FOXP2: variants seen among roughly 807,000 people sequenced by gnomAD.
FOXP2 encodes forkhead box P2.
A neutral mutation model predicts 115.8 loss-of-function variants in FOXP2; 12 were observed. The observed-to-expected ratio is 0.10, with a 90% confidence interval of 0.07 to 0.17. FOXP2 has a LOEUF of 0.17. Ranked by LOEUF, FOXP2 falls within the 10% of genes least tolerant of loss-of-function variation. The pLI is 1.00. For missense variants in FOXP2, 629 were observed against 843.5 expected (o/e 0.75, Z 3.15); for synonymous variants, 328 against 297.7 (o/e 1.10, Z -1.05).
chr7:114,628,173 A>G (rs1333916590), intron 3 of FOXP2, among the ~76,000 whole-genome samples: 1 of 152,110 alleles, frequency 6.6e-6, no homozygotes, highest in Non-Finnish European at 1.5e-5. Flanking sequence ...AGACATTTCA[A>G]AAACCTTTGT....
intron 1 of FOXP2, among the ~76,000 whole-genome samples, chr7:114,105,889 A>G (rs1052503751): frequency 3.3e-5 from 5 of 152,112 alleles, no homozygotes; most frequent in Admixed American, 6.6e-5. Flanking sequence ...TTCCTGGTCT[A>G]GTGCTCTTTC....
intron 1 of FOXP2, among the ~76,000 whole-genome samples, chr7:114,170,668 C>G (rs1793113696): frequency 6.6e-6 from 1 of 152,196 alleles, no homozygotes; most frequent in South Asian, 2.1e-4. Context: ...TCAAGCCAGC[C>G]ACAACATTCC....
At chr7:114,337,525 A>G (rs1797883159) in intron 2 of FOXP2, among the ~76,000 whole-genome samples, 1 of 151,232 alleles carries the variant, frequency 6.6e-6, no homozygotes, top group Non-Finnish European at 1.5e-5. Flanking sequence ...AATTTAAAAC[A>G]AAGAGGAGAG....
intron 2 of FOXP2, among the ~76,000 whole-genome samples, chr7:114,458,244 T>C (rs1440367147): frequency 1.3e-5 from 2 of 152,184 alleles, no homozygotes; most frequent in African/African-American, 2.4e-5. Context: ...TAAATAGGTA[T>C]AGTTATATGT....
chr7:114,193,594 G>A lies in FOXP2; in HGVS notation c.-102+30506G>A, dbSNP rs190628896. Among the ~76,000 whole-genome samples, 47 of 152,008 alleles carry A rather than the reference G, an allele frequency of 3.1e-4. No individual in the cohort carries two copies. The East Asian group carries it at 5.4e-3, about 17-fold the overall frequency. On this transcript the variant is annotated intron_variant, in intron 1 of 17. Transcript: ENST00000634411. ...CCTATTCATACCTAAAAGAATGTCC[G>A]GTGGGAAATTTTAGGACATCTTACA...
chr7:114,409,563 G>A (rs757202738), upstream of FOXP2, among the ~76,000 whole-genome samples: 10 of 151,906 alleles, frequency 6.6e-5, no homozygotes, highest in Non-Finnish European at 1.3e-4. Flanking sequence ...TTCTTCATAT[G>A]AATATTAACT....
intron 1 of FOXP2, among the ~76,000 whole-genome samples, chr7:114,187,104 T>C (rs1259594249): frequency 6.6e-6 from 1 of 152,212 alleles, no homozygotes; most frequent in Non-Finnish European, 1.5e-5. Context: ...TCCATACTCA[T>C]CTCCTTATCA....
At chr7:114,211,424 A>G (rs928850124) in intron 1 of FOXP2, among the ~76,000 whole-genome samples, 1 of 152,086 alleles carries the variant, frequency 6.6e-6, no homozygotes, top group South Asian at 2.1e-4. Flanking sequence ...TCACACAGTC[A>G]CCACTTTCCT....
intron 6 of FOXP2, among the ~76,000 whole-genome samples, chr7:114,642,052 C>T (rs949103043): frequency 6.6e-6 from 1 of 152,052 alleles, no homozygotes; most frequent in Admixed American, 6.6e-5. Flanking sequence ...GTGATTCACC[C>T]ACCTCAGCCT....
chr7:114,320,761 G>A (rs1797400872), intron 2 of FOXP2, among the ~76,000 whole-genome samples: 1 of 152,034 alleles, frequency 6.6e-6, no homozygotes, highest in African/African-American at 2.4e-5. Flanking sequence ...AAAATATACG[G>A]CCCCTCCCTG....
chr7:114,188,942 C>T (rs1793686231), intron 1 of FOXP2, among the ~76,000 whole-genome samples: 2 of 152,090 alleles, frequency 1.3e-5, no homozygotes, highest in Admixed American at 1.3e-4. Flanking sequence ...GAGAGAACAA[C>T]CATAACATTT....
chr7:114,294,200 A>C (rs1444141831), intron 2 of FOXP2, among the ~76,000 whole-genome samples: 1 of 152,200 alleles, frequency 6.6e-6, no homozygotes, highest in African/African-American at 2.4e-5. Flanking sequence ...CCCATTGATC[A>C]TATCAATGTT....
intron 1 of FOXP2, among the ~76,000 whole-genome samples, chr7:114,259,703 T>A (rs1795700383): frequency 6.6e-6 from 1 of 152,056 alleles, no homozygotes; most frequent in South Asian, 2.1e-4. Context: ...AAAAGATAAA[T>A]CTTAATATAC....
At chr7:114,321,756 A>G (rs1797427616) in intron 2 of FOXP2, among the ~76,000 whole-genome samples, 1 of 152,178 alleles carries the variant, frequency 6.6e-6, no homozygotes, top group Admixed American at 6.5e-5. Context: ...AACAGAATCA[A>G]ATTTATTGAG....
At chr7:114,666,423 C>A (rs1807166404) in intron 16 of FOXP2, 1 of 151,886 alleles carries the variant, frequency 6.6e-6, no homozygotes. Context: ...TTTCAGTATT[C>A]TCTATCTTCA....
chr7:114,585,278 C>T (rs1185141982), intron 3 of FOXP2, among the ~76,000 whole-genome samples: 1 of 152,036 alleles, frequency 6.6e-6, no homozygotes, highest in Non-Finnish European at 1.5e-5. Flanking sequence ...TGAGTCTCAC[C>T]CCAACTTACA....
At chr7:114,334,112 T>C (rs1051346954) in intron 2 of FOXP2, among the ~76,000 whole-genome samples, 1 of 152,188 alleles carries the variant, frequency 6.6e-6, no homozygotes, top group Non-Finnish European at 1.5e-5. Flanking sequence ...AAGATGCTTC[T>C]TTAGTTTTCT....
Position 114,497,097 on chromosome 7 carries a change from T to C in FOXP2, c.169-37520T>C, listed in dbSNP as rs535258915. On this transcript the variant is annotated intron_variant, in intron 2 of 16. Transcript: ENST00000350908. ...ACTCAGTCTATGAGTTCAAAGTTGA[T>C]AGGTAAATTTCAAACTGTACAAAAT... Among the ~76,000 whole-genome samples the C allele has an allele frequency of 2.6e-5, 4 of 152,298 alleles. No individual in the cohort carries two copies. The South Asian group carries it at 8.3e-4, about 32-fold the overall frequency.
chr7:114,664,412 C>T lies in FOXP2; in HGVS notation c.1979C>T (p.Pro660Leu), dbSNP rs562313396. 2.3e-5 allele frequency: 37 copies of T among 1,613,422 alleles called. 1 individual carries two copies. In the East Asian group the frequency reaches 2.9e-4, roughly 13 times the overall value. The stretch of plus-strand genomic sequence containing the variant: ...ATTGACAGCAATGGAAACAGTAGTC[C>T]GGGCTGCTCACCTCAGCCGCACATG... ...DHIDSNGNSS[P>L]GCSPQPHIHS... The change falls in exon 16 of 17, where the codon CCG becomes CTG. Residue 660 changes from proline to leucine, a missense_variant. Pro to Leu is a moderately conservative substitution (Grantham distance 98). Transcript: ENST00000350908.
Sources: allele counts gnomAD v4.1 joint callset (sites outside exome capture counted in the v4.1 genomes callset), GRCh38; gene constraint gnomAD v4.1.1; transcripts MANE v1.5; gene names NCBI Gene and HGNC (gene_info 2026-07-23, HGNC 2026-07-21).